Variants in SPDYE5 observed in about 807,000 individuals in gnomAD.
The protein encoded by SPDYE5 is speedy/RINGO cell cycle regulator family member E5.
A neutral mutation model predicts 48.5 loss-of-function variants in SPDYE5; 15 were observed. The ratio of observed to expected loss-of-function variants is 0.31; its 90% CI spans 0.21 to 0.48. SPDYE5 has a LOEUF of 0.48. Among genes scored for constraint, SPDYE5 ranks in the 20% least tolerant of loss-of-function variants. SPDYE5 has a pLI of 0.99. For synonymous variants in SPDYE5, 116 were observed against 200.7 expected, an observed-to-expected ratio of 0.58 and a Z score of 3.57; for missense variants, 331 against 549.1, an observed-to-expected ratio of 0.60 and a Z score of 3.97.
At chr7:75,496,941 T>C in intron 4 of SPDYE5, 37 bp downstream of exon 4, 1 of 1,130,666 alleles carries the variant, frequency 8.8e-7, no homozygotes, top group Non-Finnish European at 1.2e-6. Context: ...CCAATCCTGT[T>C]CTTTCCAAAA....
At chr7:75,498,123 T>C (rs1554482903) in intron 5 of SPDYE5, 127 bp downstream of exon 5, 11 of 491,876 alleles carry the variant, frequency 2.2e-5, no homozygotes, top group East Asian at 1.6e-3. Context: ...TTTTTTTTTT[T>C]TTTTTTTTTT....
At chr7:75,494,661 C>T (rs1336950134) in intron 2 of SPDYE5, among the ~76,000 whole-genome samples, 40 of 151,936 alleles carry the variant, frequency 2.6e-4, no homozygotes, top group African/African-American at 8.2e-4. Flanking sequence ...CCAAGGCAGG[C>T]GGATCACTTG....
chr7:75,500,569 T>C (rs1233049521), intron 6 of SPDYE5, among the ~76,000 whole-genome samples: 1 of 151,554 alleles, frequency 6.6e-6, no homozygotes, highest in African/African-American at 2.4e-5. Context: ...AGACTTCCCC[T>C]GTCCCCCAAG....
chr7:75,493,079 A>C (rs1288944737), intron 1 of SPDYE5, among the ~76,000 whole-genome samples: 5 of 152,030 alleles, frequency 3.3e-5, no homozygotes, highest in African/African-American at 9.7e-5. Context: ...TGGGATTACA[A>C]GCATGAGCCA....
intron 3 of SPDYE5, among the ~76,000 whole-genome samples, chr7:75,495,762 G>A (rs1369107633): frequency 3.3e-5 from 5 of 152,206 alleles, no homozygotes; most frequent in African/African-American, 9.6e-5. Context: ...AACGAAGGCC[G>A]GGTGTGGTAG....
chr7:75,500,762 G>A (rs1257253368), intron 6 of SPDYE5, among the ~76,000 whole-genome samples: 1 of 152,176 alleles, frequency 6.6e-6, no homozygotes, highest in African/African-American at 2.4e-5. Context: ...AGGCTGGAAT[G>A]GAGTGGCCCA....
upstream of SPDYE5, among the ~76,000 whole-genome samples, chr7:75,491,891 T>G (rs1211903279): frequency 6.6e-6 from 1 of 151,794 alleles, no homozygotes; most frequent in Non-Finnish European, 1.5e-5. Context: ...TTTTTCTGTA[T>G]TTTTAGTAGA....
rs1270266180 is a variant in SPDYE5 at position 75,493,673 on chromosome 7, T to C, written c.-375T>C. 2.2e-6 allele frequency: 3 copies of C among 1,353,714 alleles called. No homozygotes were observed. Among genetic ancestry groups the C allele is most frequent in the African/African-American group, 1.5e-5 (1 of 68,094 alleles). 83.9% of individuals were successfully genotyped at this position (1,353,714 alleles called of 1,614,324 possible). ...GTACAGAGACAAAGAGACCCCAACA[T>C]GCTTCAGGCTTTGAGTGGAGAGGAC... On this transcript the variant is annotated 5_prime_UTR_variant, in exon 2 of 9. An upstream start codon of the reference 5' UTR is lost. Coordinates refer to ENST00000625065, the MANE Select transcript of SPDYE5 (RefSeq NM_001306141.4).
rs1341999737 is a variant in SPDYE5, at chr7:75,494,164, C to T, written c.117C>T (p.Tyr39=). Reference sequence around the variant, plus strand: ...GTCCCCAGCGGAGCACCTCGGGGTACCCCCTCCAGGAGGTGGTGGATGATG... The same window carrying T: ...GTCCCCAGCGGAGCACCTCGGGGTATCCCCTCCAGGAGGTGGTGGATGATG... ...EQSPQRSTSG[Y]PLQEVVDDEV... is the part of the protein sequence containing the mutation. The change falls in exon 2 of 9, where the codon TAC becomes TAT. Residue 39 remains tyrosine, a synonymous_variant. Transcript: ENST00000625065. The T allele has an allele frequency of 2.1e-5, 33 of 1,534,912 alleles. No homozygotes were observed. In the Admixed American group the frequency reaches 5.3e-4, roughly 25 times the overall value.
rs1241552450 is a variant in SPDYE5 at position 75,503,516 on chromosome 7, T to C, written c.*729T>C. 1 of 152,332 alleles carries C rather than the reference T, an allele frequency of 6.6e-6. No individual in the cohort carries two copies. The highest frequency in any genetic ancestry group is 1.5e-5 in the Non-Finnish European group (1 of 68,348). 9.4% of individuals were successfully genotyped at this position (152,332 alleles called of 1,614,324 possible). A position where few individuals can be genotyped will look rare whatever the true frequency, so the allele number is the denominator to read the frequency against. ...CTTTCTGTATTATTATATGTGCTCC[T>C]GAAGCGAGCACTCTTTTTATCTATG... On this transcript the variant is annotated 3_prime_UTR_variant, in exon 9 of 9. Coordinates refer to ENST00000625065, the MANE Select transcript of SPDYE5 (RefSeq NM_001306141.4).
upstream of SPDYE5, among the ~76,000 whole-genome samples, chr7:75,491,831 G>A (rs1792747272): frequency 6.7e-6 from 1 of 149,108 alleles, no homozygotes; most frequent in Non-Finnish European, 1.5e-5. Flanking sequence ...TCCTGCCTCG[G>A]CCTCCTAAGT....
At position 75,502,090 on chromosome 7, in the gene SPDYE5, C is replaced by A. The variant is rs587758253; in HGVS notation, c.*45+108C>A. 4.0e-5 allele frequency: 52 copies of A among 1,289,228 alleles called. No individual in the cohort carries two copies. The South Asian group carries it at 6.0e-4, about 15-fold the overall frequency. 79.9% of individuals were successfully genotyped at this position (1,289,228 alleles called of 1,614,324 possible). On this transcript the variant is annotated intron_variant, in intron 8 of 8. Coordinates refer to ENST00000625065, the MANE Select transcript of SPDYE5 (RefSeq NM_001306141.4). ...TCAAGCCTGGGCAACGTGGCGAGAT[C>A]CCCTCTCCACAAAAATACAAAAATT... is the stretch of plus-strand genomic sequence containing the variant.
intron 3 of SPDYE5, 60 bp from the exon 4 acceptor site, chr7:75,496,614 T>C (rs587684135): frequency 3.2e-5 from 51 of 1,596,904 alleles, no homozygotes; most frequent in Middle Eastern, 4.5e-4. Context: ...GGGTTTTGGG[T>C]TGGGCTCTAG....
intron 3 of SPDYE5, among the ~76,000 whole-genome samples, 197 bp downstream of exon 3, chr7:75,495,571 G>A (rs201184586): frequency 0.13 from 13,245 of 101,684 alleles, no homozygotes; most frequent in African/African-American, 0.26. Flanking sequence ...AAAGGTTGGC[G>A]CTTGGGATGA....
rs587612188 is a variant in SPDYE5, at chr7:75,501,601, C to A, written c.995C>A (p.Pro332His). 8.7e-6 allele frequency: 14 copies of A among 1,609,682 alleles called. No homozygotes were observed. The highest frequency in any genetic ancestry group is 1.8e-4 in the Middle Eastern group (1 of 5,690). ...GCCAGGAAGAACCGCTCTCGCATAC[C>A]CTTGCTCCGTAAGCGTCGGTTCCAG... ...PRARKNRSRIPLLRKRRFQLG... is the reference protein window; with the variant it reads ...PRARKNRSRIHLLRKRRFQLG... The change falls in exon 7 of 9, where the codon CCC (proline) becomes CAC (histidine). Residue 332 changes from proline (P) to histidine (H), a missense_variant. Coordinates refer to ENST00000625065, the MANE Select transcript of SPDYE5 (RefSeq NM_001306141.4).
rs782708663 is a variant in SPDYE5 at position 75,495,277 on chromosome 7, G to A, written c.282G>A (p.Trp94Ter). 6.4e-7 allele frequency: 1 copy of A among 1,571,324 alleles called. No homozygotes were observed. The highest frequency in any genetic ancestry group is 1.4e-5 in the African/African-American group (1 of 74,070). The change falls in exon 3 of 9, where the codon TGG (tryptophan) becomes TGA (stop). Residue 94 changes from tryptophan (W) to a stop codon, truncating the protein, a stop_gained. Transcript: ENST00000625065. LOFTEE classifies it high-confidence loss of function. ...TCGCCCCTGAACCTGAGGAGACCTG[G>A]GTAGTGGAGATGCTGTGTGGGCTCA... The part of the protein sequence containing the change: ...KELAPEPEET[W>*]VVEMLCGLKM...
chr7:75,502,178 G>A (rs1367325816), intron 8 of SPDYE5, among the ~76,000 whole-genome samples, 196 bp downstream of exon 8: 1 of 151,152 alleles, frequency 6.6e-6, no homozygotes, highest in Non-Finnish European at 1.5e-5. Flanking sequence ...CGGGAGGATC[G>A]CTGGAGCCTG....
chr7:75,497,728 G>C (rs1176302426), intron 4 of SPDYE5, among the ~76,000 whole-genome samples: 2 of 139,908 alleles, frequency 1.4e-5, no homozygotes, highest in Non-Finnish European at 3.1e-5. Context: ...CTCACACCCA[G>C]GGCCTCCTTC....
At chr7:75,495,642 G>A (rs1554482431) in intron 3 of SPDYE5, among the ~76,000 whole-genome samples, 1 of 152,220 alleles carries the variant, frequency 6.6e-6, no homozygotes, top group Non-Finnish European at 1.5e-5. Flanking sequence ...ACGTTGGGAG[G>A]CTGAGGCAAG....
Sources: gnomAD v4.1 joint callset for allele counts (sites outside exome capture counted in the v4.1 genomes callset) on GRCh38, gnomAD v4.1.1 for gene constraint, MANE v1.5 for transcripts, NCBI Gene and HGNC (gene_info 2026-07-23, HGNC 2026-07-21) for gene names.